PRKN: variants seen among roughly 807,000 people sequenced by gnomAD.
PRKN encodes the protein parkin RBR E3 ubiquitin protein ligase.
Under a neutral mutation model 59.5 loss-of-function variants are expected in PRKN, and 56 were observed. The observed-to-expected ratio is 0.94, with a 90% confidence interval of 0.76 to 1.18. The LOEUF (loss-of-function observed/expected upper bound fraction) is 1.18. Among genes scored for constraint, PRKN ranks in the 50% most tolerant of loss-of-function variants. PRKN has a pLI of 0.00. For missense variants in PRKN, 657 were observed against 596.4 expected, an observed-to-expected ratio of 1.10 and a Z score of -1.06; for synonymous variants, 250 against 222.1, an observed-to-expected ratio of 1.13 and a Z score of -1.12.
chr6:161,805,478 A>ACACACATG (rs61442187), intron 6 of PRKN, among the ~76,000 whole-genome samples: 5,030 of 148,532 alleles, frequency 0.034, 148 homozygotes, highest in East Asian at 0.099. Context: ...ACACACACAC[A>ACACACATG]CATGCATGTA....
Position 161,533,257 on chromosome 6 carries a change from G to A in PRKN, c.1083+15597C>T, listed in dbSNP as rs1336311359. Among the ~76,000 whole-genome samples, 2 of 152,030 alleles carry A rather than the reference G, an allele frequency of 1.3e-5. No homozygotes were observed. The highest frequency in any genetic ancestry group is 4.8e-5 in the African/African-American group (2 of 41,386). On this transcript the variant is annotated intron_variant, in intron 9 of 11. Coordinates refer to ENST00000366898, the MANE Select transcript of PRKN (RefSeq NM_004562.3). The surrounding 1 kb of genome is among the most constrained non-coding windows in gnomAD (Gnocchi z 4.1). ...AATTTCTGAAAAACTAGTGATACAG[G>A]AGTTGTAAAGAAATTACTTGGGCAG...
chr6:161,743,528 C>T (rs1333260017), intron 7 of PRKN, among the ~76,000 whole-genome samples: 4 of 151,898 alleles, frequency 2.6e-5, no homozygotes, highest in African/African-American at 9.7e-5. Context: ...GGATTACAGG[C>T]ACGAGCCACT....
intron 1 of PRKN, among the ~76,000 whole-genome samples, chr6:162,467,188 T>C (rs1791460673): frequency 6.6e-6 from 1 of 152,154 alleles, no homozygotes; most frequent in Admixed American, 6.5e-5. Flanking sequence ...TTTCCCTTCT[T>C]CCTTTTTCTC....
At chr6:162,240,749 G>GGT (rs1778951569) in intron 3 of PRKN, among the ~76,000 whole-genome samples, 2 of 152,270 alleles carry the variant, frequency 1.3e-5, no homozygotes, top group South Asian at 4.1e-4. Flanking sequence ...GCATTAGGGT[G>GGT]AACCCATTAA....
chr6:162,406,716 A>T lies in PRKN; in HGVS notation c.171+36594T>A, dbSNP rs140319636. Among the ~76,000 whole-genome samples, 236 of 152,272 alleles carry T rather than the reference A, an allele frequency of 1.5e-3. 1 individual carries two copies. Among genetic ancestry groups the T allele is most frequent in the Non-Finnish European group, 2.8e-3 (191 of 68,008 alleles). On this transcript the variant is annotated intron_variant, in intron 2 of 11. Coordinates refer to ENST00000366898, the MANE Select transcript of PRKN (RefSeq NM_004562.3). Reference sequence around the variant, plus strand: ...AGATAGGAGCGCACTATCCACCATGAAAAGTTGAGGTAGGTAGCAAAGTCA... The same window carrying T: ...AGATAGGAGCGCACTATCCACCATGTAAAGTTGAGGTAGGTAGCAAAGTCA...
chr6:162,492,471 T>C (rs918967466), intron 1 of PRKN, among the ~76,000 whole-genome samples: 2 of 152,096 alleles, frequency 1.3e-5, no homozygotes, highest in Admixed American at 1.3e-4. Flanking sequence ...AAGAAAGAAA[T>C]GTCCTGTCTG....
chr6:161,882,130 A>G (rs1392526420), intron 6 of PRKN, among the ~76,000 whole-genome samples: 4 of 152,148 alleles, frequency 2.6e-5, no homozygotes, highest in African/African-American at 9.7e-5. Context: ...ACAAAATCCA[A>G]ACAAAACATG....
intron 7 of PRKN, among the ~76,000 whole-genome samples, chr6:161,634,009 C>G (rs1026180125): frequency 1.3e-5 from 2 of 150,148 alleles, no homozygotes; most frequent in African/African-American, 4.9e-5. Flanking sequence ...CACACACACA[C>G]ACACACACAC....
intron 7 of PRKN, among the ~76,000 whole-genome samples, chr6:161,676,828 C>A (rs1785104498): frequency 6.6e-6 from 1 of 152,030 alleles, no homozygotes; most frequent in Non-Finnish European, 1.5e-5. Flanking sequence ...GAGACACAAG[C>A]AGGGAATAAC....
At chr6:162,302,420 T>C (rs986086957) in intron 2 of PRKN, among the ~76,000 whole-genome samples, 3 of 152,168 alleles carry the variant, frequency 2.0e-5, no homozygotes, top group African/African-American at 2.4e-5. Flanking sequence ...TAGCTCATCC[T>C]GGTGAAGGAG....
chr6:162,645,175 TGA>T (rs1280188619), intron 1 of PRKN, among the ~76,000 whole-genome samples: 2 of 152,210 alleles, frequency 1.3e-5, no homozygotes. Flanking sequence ...TATTGAATAC[TGA>T]CAGCCTAATT....
In PRKN at chr6:161,544,011, T is replaced by A. The variant is rs1172310499; in HGVS notation, c.1083+4843A>T. Among the ~76,000 whole-genome samples, 1 of 152,210 alleles carries A rather than the reference T, an allele frequency of 6.6e-6. No individual in the cohort carries two copies. Among genetic ancestry groups the A allele is most frequent in the Non-Finnish European group, 1.5e-5 (1 of 68,032 alleles). On this transcript the variant is annotated intron_variant, in intron 9 of 11. Coordinates refer to ENST00000366898, the MANE Select transcript of PRKN (RefSeq NM_004562.3). This position sits in a 1 kb window ranked among gnomAD's most constrained non-coding sequence, Gnocchi z 5.5. ...TTTAGGAAATCAATTAATTTTTTTA[T>A]GAGCAGTAGTAAAAATAGGATCTAG...
chr6:162,495,717 A>G (rs1013114573), intron 1 of PRKN, among the ~76,000 whole-genome samples: 1 of 152,098 alleles, frequency 6.6e-6, no homozygotes, highest in Non-Finnish European at 1.5e-5. Flanking sequence ...CACTGCCGCC[A>G]AGTGTTGTTC....
At chr6:161,904,132 G>T (rs940170083) in intron 6 of PRKN, among the ~76,000 whole-genome samples, 1 of 151,864 alleles carries the variant, frequency 6.6e-6, no homozygotes, top group Non-Finnish European at 1.5e-5. Context: ...TTGTGCCCAG[G>T]TTGTCTTGGA....
intron 1 of PRKN, among the ~76,000 whole-genome samples, chr6:162,465,116 G>A (rs529900218): frequency 7.4e-4 from 112 of 152,160 alleles, no homozygotes; most frequent in African/African-American, 2.5e-3. Flanking sequence ...ATTTAAGCTC[G>A]TTCCCAATTA....
intron 5 of PRKN, among the ~76,000 whole-genome samples, chr6:162,041,593 G>C (rs1019674982): frequency 6.6e-6 from 1 of 152,020 alleles, no homozygotes; most frequent in Non-Finnish European, 1.5e-5. Flanking sequence ...TTTGTTTTTT[G>C]AGGTCCACCT....
chr6:162,639,916 T>G (rs917459272), intron 1 of PRKN, among the ~76,000 whole-genome samples: 2 of 152,088 alleles, frequency 1.3e-5, no homozygotes, highest in Non-Finnish European at 2.9e-5. Flanking sequence ...TCTGGGTAGA[T>G]TTTTCATCAG....
At chr6:161,780,704 C>T (rs894522555) in intron 7 of PRKN, among the ~76,000 whole-genome samples, 12 of 152,124 alleles carry the variant, frequency 7.9e-5, no homozygotes, top group East Asian at 1.9e-4. Flanking sequence ...TCGGTACATA[C>T]GTGAACATCA....
intron 1 of PRKN, among the ~76,000 whole-genome samples, chr6:162,715,793 A>G (rs1778698385): frequency 6.6e-6 from 1 of 152,132 alleles, no homozygotes; most frequent in Non-Finnish European, 1.5e-5. Context: ...CCATCCCGTC[A>G]ACTACTCATC....
Sources: allele counts gnomAD v4.1 joint callset (sites outside exome capture counted in the v4.1 genomes callset), GRCh38; gene constraint gnomAD v4.1.1; non-coding constraint Gnocchi (gnomAD v3.1); transcripts MANE v1.5; gene names NCBI Gene and HGNC (gene_info 2026-07-23, HGNC 2026-07-21).